The following FAAH2 variants were observed in gnomAD, a reference collection of about 807,000 sequenced individuals.
The protein encoded by FAAH2 is fatty-acid amide hydrolase 2.
A neutral mutation model predicts 36.9 loss-of-function variants in FAAH2; 60 were observed. The observed-to-expected ratio is 1.63, with a 90% CI of 1.32 to 2.02. The LOEUF is 2.02. FAAH2 is among the 30% of genes most tolerant of loss of function. The probability of loss-of-function intolerance (pLI) is 0.00; values close to 1 mark genes in which losing one functional copy is unlikely to be tolerated. For missense variants in FAAH2, 689 were observed against 397.5 expected (o/e 1.73, Z -6.23); for synonymous variants, 214 against 143.8 (o/e 1.49, Z -3.49).
chrX:57,234,401 G>T, the FAAH2 span, among the ~76,000 whole-genome samples: 2 of 111,555 alleles, frequency 1.8e-5, no homozygotes, highest in African/African-American at 3.3e-5. Context: ...TGTGTGTAAG[G>T]TTAACTTTAA....
chrX:57,241,036 G>A, the FAAH2 span, among the ~76,000 whole-genome samples: 2 of 111,935 alleles, frequency 1.8e-5, no homozygotes, highest in East Asian at 2.8e-4. Flanking sequence ...AGCCATTCTG[G>A]CACCAAAACC....
At chrX:57,239,194 C>T in the FAAH2 span, among the ~76,000 whole-genome samples, 3 of 111,278 alleles carry the variant, frequency 2.7e-5, no homozygotes, top group Non-Finnish European at 5.7e-5. Flanking sequence ...TGGTAGAATT[C>T]GGATGTGAAT....
intron 7 of FAAH2, among the ~76,000 whole-genome samples, chrX:57,423,991 A>G (rs2147086373): frequency 9.0e-6 from 1 of 111,501 alleles, no homozygotes; most frequent in African/African-American, 3.3e-5. Flanking sequence ...ACACAATAGC[A>G]TAGCACTCAG....
the FAAH2 span, among the ~76,000 whole-genome samples, chrX:57,123,486 A>T: frequency 8.9e-6 from 1 of 112,547 alleles, no homozygotes; most frequent in Non-Finnish European, 1.9e-5. Flanking sequence ...TCTTTATAGC[A>T]GCATGACTTA....
At chrX:57,299,148 C>A (rs1335316130) in intron 2 of FAAH2, among the ~76,000 whole-genome samples, 6 of 110,384 alleles carry the variant, frequency 5.4e-5, no homozygotes, top group African/African-American at 1.6e-4. Flanking sequence ...AGAGACACAA[C>A]AAAAAAAAGA....
intron 7 of FAAH2, among the ~76,000 whole-genome samples, chrX:57,387,550 C>A (rs2055056573): frequency 1.8e-5 from 2 of 110,952 alleles, no homozygotes; most frequent in African/African-American, 6.5e-5. Context: ...TAGAACCTAC[C>A]AGAGAAAAAT....
chrX:57,387,029 A>T (rs935466601), intron 7 of FAAH2, among the ~76,000 whole-genome samples: 2 of 112,403 alleles, frequency 1.8e-5, no homozygotes, highest in Non-Finnish European at 3.8e-5. Flanking sequence ...GAATACAAGG[A>T]TCTATACTAC....
chrX:57,361,847 C>T (rs1031346099), intron 5 of FAAH2, among the ~76,000 whole-genome samples: 1 of 111,047 alleles, frequency 9.0e-6, no homozygotes, highest in Non-Finnish European at 1.9e-5. Context: ...TTATGAAATC[C>T]CTCATCTTGT....
chrX:57,434,308 C>G (rs1483320775), intron 8 of FAAH2, among the ~76,000 whole-genome samples: 1 of 109,037 alleles, frequency 9.2e-6, no homozygotes, highest in Admixed American at 1.0e-4. Context: ...AACTCCTGAC[C>G]TCAGGTGATC....
the FAAH2 span, among the ~76,000 whole-genome samples, chrX:57,257,428 C>A: frequency 1.8e-5 from 2 of 110,797 alleles, no homozygotes; most frequent in African/African-American, 6.6e-5. Context: ...TCATTCTCAG[C>A]AAACTATCAC....
intron 6 of FAAH2, 139 bp downstream of exon 6, chrX:57,378,925 T>G: frequency 1.4e-5 from 9 of 662,908 alleles, no homozygotes; most frequent in Non-Finnish European, 2.0e-5. Flanking sequence ...CTTTATATAC[T>G]TATATAAGTG....
rs142706646 is a variant in FAAH2 at position 57,392,958 on chromosome X, G to A, written c.996+11929G>A. 1,939 of 915,585 alleles carry A rather than the reference G, an allele frequency of 2.1e-3. 2 individuals carry two copies. The highest frequency in any genetic ancestry group is 0.013 in the Middle Eastern group (48 of 3,781). 75.5% of individuals were successfully genotyped at this position (915,585 alleles called of 1,213,427 possible). ...GTTGTCTGCTCCATAGATCTTCTGT[G>A]CAATGATCCTGATTTTATCCTCAAC... is the stretch of plus-strand genomic sequence containing the variant. On this transcript the variant is annotated intron_variant, in intron 7 of 10. Transcript: ENST00000374900.
chrX:57,379,085 T>G (rs186145484), intron 6 of FAAH2, among the ~76,000 whole-genome samples: 2 of 112,149 alleles, frequency 1.8e-5, no homozygotes, highest in East Asian at 5.7e-4. Flanking sequence ...CACTTTAAGT[T>G]CAGCCTTTCT....
chrX:57,470,765 A>T (rs1490693645), intron 10 of FAAH2, among the ~76,000 whole-genome samples: 2 of 111,514 alleles, frequency 1.8e-5, no homozygotes, highest in Non-Finnish European at 3.8e-5. Context: ...GCATCATCCT[A>T]ATACCAAAGC....
the FAAH2 span, among the ~76,000 whole-genome samples, chrX:57,197,194 C>T: frequency 9.0e-6 from 1 of 111,611 alleles, no homozygotes; most frequent in African/African-American, 3.2e-5. Flanking sequence ...TTGCATTTCT[C>T]CAAGTGTGTC....
At chrX:57,132,078 G>C in the FAAH2 span, among the ~76,000 whole-genome samples, 1 of 112,228 alleles carries the variant, frequency 8.9e-6, no homozygotes, top group Non-Finnish European at 1.9e-5. Flanking sequence ...CGTGATATAC[G>C]TAATGAATTT....
intron 5 of FAAH2, among the ~76,000 whole-genome samples, chrX:57,356,109 C>A (rs1018219505): frequency 4.5e-5 from 5 of 110,570 alleles, no homozygotes; most frequent in African/African-American, 1.6e-4. Context: ...ACAATTGTTT[C>A]ATTCCAGCAA....
the FAAH2 span, among the ~76,000 whole-genome samples, chrX:57,201,016 A>G: frequency 3.0e-4 from 33 of 109,454 alleles, no homozygotes; most frequent in Non-Finnish European, 6.1e-4. Context: ...TTATATTTTA[A>G]GAATATTTTC....
At chrX:57,382,944 C>T (rs1027409005) in intron 7 of FAAH2, among the ~76,000 whole-genome samples, 7 of 111,289 alleles carry the variant, frequency 6.3e-5, no homozygotes, top group African/African-American at 1.6e-4. Flanking sequence ...ACTGCCAAAC[C>T]GAATCAAGCA....
Sources: gnomAD v4.1 joint callset for allele counts (sites outside exome capture counted in the v4.1 genomes callset) on GRCh38, gnomAD v4.1.1 for gene constraint, MANE v1.5 for transcripts, NCBI Gene and HGNC (gene_info 2026-07-23, HGNC 2026-07-21) for gene names.